PTPRD: variants seen among roughly 807,000 people sequenced by gnomAD.
PTPRD encodes receptor-type tyrosine-protein phosphatase delta.
PTPRD carries 34 observed loss-of-function variants against 214.5 expected under a neutral mutation model. The ratio of observed to expected loss-of-function variants is 0.16; its 90% CI spans 0.12 to 0.21. The LOEUF is 0.21. PTPRD is among the 10% of genes least tolerant of loss of function. PTPRD has a pLI of 1.00. For synonymous variants in PTPRD, 1,128 were observed against 845.7 expected (o/e 1.33, Z -5.79); for missense variants, 2,545 against 2,398.7 (o/e 1.06, Z -1.27).
chr9:10,327,646 A>C (rs1403085586), intron 3 of PTPRD, among the ~76,000 whole-genome samples: 4 of 151,750 alleles, frequency 2.6e-5, no homozygotes, highest in Non-Finnish European at 5.9e-5. Flanking sequence ...TTGAAGGAAA[A>C]GAAATGCATT....
intron 14 of PTPRD, among the ~76,000 whole-genome samples, chr9:8,604,540 G>C (rs968918257): frequency 3.3e-5 from 5 of 152,262 alleles, no homozygotes; most frequent in Non-Finnish European, 7.4e-5. Flanking sequence ...TACTGCCTCA[G>C]GGTTTTCTCC....
At chr9:8,888,738 G>C (rs2098512322) in intron 11 of PTPRD, among the ~76,000 whole-genome samples, 1 of 152,142 alleles carries the variant, frequency 6.6e-6, no homozygotes, top group Non-Finnish European at 1.5e-5. Context: ...TGTTTCTCCT[G>C]GGAACCGTCA....
intron 11 of PTPRD, chr9:8,860,886 C>G (rs1210973208): frequency 2.0e-5 from 3 of 152,212 alleles, no homozygotes; most frequent in Non-Finnish European, 2.9e-5. Context: ...ATCCCACCAG[C>G]TATTCATCAT....
chr9:9,304,570 G>A (rs112199533), intron 9 of PTPRD, among the ~76,000 whole-genome samples: 6 of 151,848 alleles, frequency 4.0e-5, no homozygotes, highest in African/African-American at 1.5e-4. Flanking sequence ...TGGTGGGCAG[G>A]ATTCATTTTA....
intron 9 of PTPRD, among the ~76,000 whole-genome samples, chr9:9,356,217 T>A (rs74964712): frequency 0.036 from 5,412 of 151,318 alleles, 154 homozygotes; most frequent in Non-Finnish European, 0.054. Flanking sequence ...CAAGACAATT[T>A]TGTGTATGTT....
At chr9:9,991,869 C>T (rs1244343849) in intron 4 of PTPRD, among the ~76,000 whole-genome samples, 8 of 146,490 alleles carry the variant, frequency 5.5e-5, no homozygotes, top group East Asian at 2.0e-4. Flanking sequence ...CACACACACA[C>T]GAGTTCCAAA....
rs555349967 is a variant in PTPRD at position 9,940,049 on chromosome 9, T to A, written c.-471-1439A>T. 2.0e-5 allele frequency among the ~76,000 whole-genome samples: 3 copies of A among 152,272 alleles called. No homozygotes were observed. The South Asian group carries it at 6.2e-4, about 32-fold the overall frequency. The stretch of plus-strand genomic sequence containing the variant: ...CAAATTAGGGTAACTTGAGTAGAGC[T>A]TAATAAAGAACTCATTTATAAAAGT... On this transcript the variant is annotated intron_variant, in intron 4 of 45. Transcript: ENST00000381196.
At chr9:8,327,987 T>A (rs1292638744) in intron 44 of PTPRD, among the ~76,000 whole-genome samples, 2 of 152,228 alleles carry the variant, frequency 1.3e-5, no homozygotes, top group Admixed American at 1.3e-4. Context: ...CCAGTGTGTG[T>A]CTTTTAATTG....
chr9:9,617,653 T>G (rs1278643105), intron 7 of PTPRD, among the ~76,000 whole-genome samples: 3 of 152,140 alleles, frequency 2.0e-5, no homozygotes, highest in Non-Finnish European at 4.4e-5. Context: ...AGGATTTCTA[T>G]AAAACCAGAG....
Position 10,040,190 on chromosome 9 carries a change from G to A in PTPRD, c.-544-6400C>T, listed in dbSNP as rs548497129. ...GTGAGCAAGCTTTTTTTGGTTAAAC[G>A]GATTCATAAAAATGAATGTGCTGTT... On this transcript the variant is annotated intron_variant, in intron 3 of 45. Coordinates refer to ENST00000381196, the MANE Select transcript of PTPRD (RefSeq NM_002839.4). Among the ~76,000 whole-genome samples, 39 of 151,996 alleles carry A rather than the reference G, an allele frequency of 2.6e-4. 1 individual carries two copies. Among genetic ancestry groups the A allele is most frequent in the Admixed American group, 7.2e-4 (11 of 15,242 alleles).
intron 44 of PTPRD, among the ~76,000 whole-genome samples, chr9:8,324,548 C>A (rs1015148528): frequency 6.6e-6 from 1 of 152,100 alleles, no homozygotes; most frequent in Non-Finnish European, 1.5e-5. Context: ...GTGAATAGTG[C>A]CACAATAAAC....
In PTPRD at chr9:8,359,127, AAAAAAAAAAAAC is replaced by A. The variant is rs1564252912; in HGVS notation, c.4661+16797_4661+16808del. On this transcript the variant is annotated intron_variant, in intron 39 of 45. Transcript: ENST00000381196. ...CGTCTCAAAAAAAAAAAAAAACAAA[AAAAAAAAAAAAC>A]AAAAAAAAATTGAATCAGATTTTAG... 2.6e-4 allele frequency among the ~76,000 whole-genome samples: 33 copies of A among 124,734 alleles called. 8 individuals are homozygous for A. Among genetic ancestry groups the A allele is most frequent in the Non-Finnish European group, 3.2e-4 (21 of 66,290 alleles). The allele number at this position is 124,734 out of a possible 152,430, so 81.8% of individuals were successfully genotyped here. A position where few individuals can be genotyped will look rare whatever the true frequency, so the allele number is the denominator to read the frequency against.
chr9:9,454,454 A>C (rs904624511), intron 8 of PTPRD, among the ~76,000 whole-genome samples: 4 of 151,788 alleles, frequency 2.6e-5, no homozygotes, highest in Admixed American at 6.6e-5. Flanking sequence ...CAGTAATATA[A>C]AACAATTATG....
chr9:9,448,761 G>A (rs1426694768), intron 8 of PTPRD, among the ~76,000 whole-genome samples: 1 of 151,974 alleles, frequency 6.6e-6, no homozygotes, highest in Non-Finnish European at 1.5e-5. Flanking sequence ...GTAGTTCAAA[G>A]AGATCCAGGA....
rs149614328 is a variant in PTPRD, at chr9:10,073,536, T to C, written c.-544-39746A>G. 3.4e-3 allele frequency among the ~76,000 whole-genome samples: 510 copies of C among 152,226 alleles called. 2 individuals carry two copies. Among genetic ancestry groups the C allele is most frequent in the African/African-American group, 0.01 (418 of 41,540 alleles). Reference sequence around the variant, plus strand: ...AATAAATCCCAGTAAGCATGCACTTTAGTTAATAAAAGAGAAAGAAATATT... The same window carrying C: ...AATAAATCCCAGTAAGCATGCACTTCAGTTAATAAAAGAGAAAGAAATATT... On this transcript the variant is annotated intron_variant, in intron 3 of 45. Transcript: ENST00000381196.
Position 8,315,852 on chromosome 9 carries a change from A to G in PTPRD, c.*2022T>C. On this transcript the variant is annotated 3_prime_UTR_variant, in exon 46 of 46. Coordinates refer to ENST00000381196, the MANE Select transcript of PTPRD (RefSeq NM_002839.4). ...GAGTTCCTTGGGTATTTTGAGGATT[A>G]TTTAAAATCATGTAATATGTGGCAA... 4.5e-6 allele frequency: 1 copy of G among 224,694 alleles called. No homozygotes were observed. 13.9% of individuals were successfully genotyped at this position (224,694 alleles called of 1,614,324 possible). A position where few individuals can be genotyped will look rare whatever the true frequency, so the allele number is the denominator to read the frequency against.
chr9:9,070,605 A>G lies in PTPRD; in HGVS notation c.-142-51870T>C, dbSNP rs75643470. Among the ~76,000 whole-genome samples the G allele has an allele frequency of 1.4e-3, 210 of 152,288 alleles. 6 individuals carry two copies. In the East Asian group the frequency reaches 0.04, roughly 29 times the overall value. ...TTCTTGATTAGTTACAGTCTTTTAA[A>G]TTATTTTAAAATAAAAGCAATAAGC... On this transcript the variant is annotated intron_variant, in intron 10 of 45. Coordinates refer to ENST00000381196, the MANE Select transcript of PTPRD (RefSeq NM_002839.4).
At chr9:9,894,160 A>G (rs374114889) in intron 5 of PTPRD, among the ~76,000 whole-genome samples, 1 of 152,054 alleles carries the variant, frequency 6.6e-6, no homozygotes, top group African/African-American at 2.4e-5. Flanking sequence ...TATATCTCCA[A>G]GATAATATCT....
chr9:10,468,681 GA>G (rs1334089468), intron 2 of PTPRD, among the ~76,000 whole-genome samples: 1 of 151,986 alleles, frequency 6.6e-6, no homozygotes, highest in Non-Finnish European at 1.5e-5. Flanking sequence ...AAGTCAGAGG[GA>G]AAGGCTTATT....
Sources: gnomAD v4.1 joint callset for allele counts (sites outside exome capture counted in the v4.1 genomes callset) on GRCh38, gnomAD v4.1.1 for gene constraint, MANE v1.5 for transcripts, NCBI Gene and HGNC (gene_info 2026-07-23, HGNC 2026-07-21) for gene names.